Variants in MYO7B observed in about 807,000 individuals in gnomAD.
The protein encoded by MYO7B is myosin VIIB, also known as unconventional myosin-VIIb.
MYO7B carries 212 observed loss-of-function variants against 259.7 expected under a neutral mutation model. That is an observed-to-expected ratio of 0.82 (90% CI 0.73 to 0.91). The LOEUF (loss-of-function observed/expected upper bound fraction) is 0.91, where lower values mean the gene tolerates loss of function less well. Among genes scored for constraint, MYO7B ranks in the 40% least tolerant of loss-of-function variants. MYO7B has a pLI of 0.00. For missense variants in MYO7B, 2,732 were observed against 2,813.5 expected (o/e 0.97, Z 0.66); for synonymous variants, 1,197 against 1,166.4 (o/e 1.03, Z -0.54).
Position 127,590,929 on chromosome 2 carries a change from C to T in MYO7B, c.1992+700C>T, listed in dbSNP as rs1273562970. 6.6e-6 allele frequency among the ~76,000 whole-genome samples: 1 copy of T among 152,242 alleles called. No homozygotes were observed. The highest frequency in any genetic ancestry group is 1.5e-5 in the Non-Finnish European group (1 of 68,050). ...CGAGTTTGATCTGGGTGCAGTAGCT[C>T]ACGCTTGTAATCCCAGCACTTTGGG... is the stretch of plus-strand genomic sequence containing the variant. On this transcript the variant is annotated intron_variant, in intron 16 of 47. Coordinates refer to ENST00000409816, the MANE Select transcript of MYO7B (RefSeq NM_001393586.1). The surrounding 1 kb of genome is among the most constrained non-coding windows in gnomAD (Gnocchi z 4.6).
In MYO7B at chr2:127,615,266, C is replaced by T. The variant is rs1248585309; in HGVS notation, c.3398+2663C>T. ...AGAGGGAAAGGGTAGACGGGTCACC[C>T]GTGACAGACTGCCATGGTTACTACT... On this transcript the variant is annotated intron_variant, in intron 26 of 47. Coordinates refer to ENST00000409816, the MANE Select transcript of MYO7B (RefSeq NM_001393586.1). The surrounding 1 kb of genome is among the most constrained non-coding windows in gnomAD (Gnocchi z 4.4). 2.0e-5 allele frequency among the ~76,000 whole-genome samples: 3 copies of T among 152,252 alleles called. No homozygotes were observed. The highest frequency in any genetic ancestry group is 2.1e-4 in the South Asian group (1 of 4,814).
In MYO7B at chr2:127,631,885, A is replaced by C. The variant is rs1042659697; in HGVS notation, c.5249+132A>C. ...CCCCTGCCTGGGCTCCTGCCTCAGC[A>C]GTGGGAAGGGTTGGGCCCTTGGTCT... On this transcript the variant is annotated intron_variant, in intron 38 of 47. Transcript: ENST00000409816. The C allele has an allele frequency of 2.3e-5, 29 of 1,253,416 alleles. No homozygotes were observed. In the Admixed American group the frequency reaches 3.4e-4, roughly 15 times the overall value. 77.6% of individuals were successfully genotyped at this position (1,253,416 alleles called of 1,614,324 possible). A position where few individuals can be genotyped will look rare whatever the true frequency, so the allele number is the denominator to read the frequency against.
At chr2:127,570,221 G>A (rs1451259990) in intron 6 of MYO7B, among the ~76,000 whole-genome samples, 1 of 152,098 alleles carries the variant, frequency 6.6e-6, no homozygotes, top group Non-Finnish European at 1.5e-5. Context: ...TCAGTTGCTG[G>A]AACTGAACTG....
At chr2:127,625,791 T>C (rs13391628) in intron 31 of MYO7B, among the ~76,000 whole-genome samples, 24,262 of 152,198 alleles carry the variant, frequency 0.16, 1,995 homozygotes, top group Middle Eastern at 0.24. Context: ...TGTGCTGGTC[T>C]GCACTGTGGT....
chr2:127,592,672 G>T, intron 16 of MYO7B, 122 bp from the exon 17 acceptor site: 2 of 1,290,236 alleles, frequency 1.6e-6, no homozygotes, highest in Non-Finnish European at 2.1e-6. Flanking sequence ...GGGGTGGGCG[G>T]GGCGGGGGGC....
intron 26 of MYO7B, among the ~76,000 whole-genome samples, chr2:127,618,298 A>C (rs918268395): frequency 1.3e-5 from 2 of 152,186 alleles, no homozygotes; most frequent in African/African-American, 4.8e-5. Context: ...AACAAAAGAA[A>C]CTGTTTTAAA....
At position 127,593,688 on chromosome 2, in the gene MYO7B, T is replaced by C. The variant is rs539170583; in HGVS notation, c.2244+44T>C. On this transcript the variant is annotated intron_variant, in intron 18 of 47. Transcript: ENST00000409816. ...AGCCAGCTGTCGGCCTCCTGCAGCA[T>C]GTGGGCTTGTCAGCTCTTGCACCAG... 6 of 1,570,022 alleles carry C rather than the reference T, an allele frequency of 3.8e-6. No homozygotes were observed. The African/African-American group carries it at 5.4e-5, about 14-fold the overall frequency.
rs376997121 is a variant in MYO7B at position 127,563,965 on chromosome 2, C to T, written c.19-188C>T. On this transcript the variant is annotated intron_variant, in intron 2 of 47. Transcript: ENST00000409816. ...AAGACATGGAGAGAAGCTGTACAGG[C>T]GCTTGGTACCTGCCCAGTGAGCAGG... 2.2e-4 allele frequency among the ~76,000 whole-genome samples: 34 copies of T among 152,212 alleles called. 1 individual carries two copies. The East Asian group carries it at 5.0e-3, about 22-fold the overall frequency.
In MYO7B at chr2:127,595,043, A is replaced by AT. The variant is rs1679708084; in HGVS notation, c.2244+1399_2244+1400insT. Among the ~76,000 whole-genome samples, 3 of 152,352 alleles carry AT rather than the reference A, an allele frequency of 2.0e-5. No individual in the cohort carries two copies. In the East Asian group the frequency reaches 5.8e-4, roughly 29 times the overall value. ...CAATTGTTTGGAATAGTTTCAAAAA[A>AT]AAGGGTATCAACTCCTCTTTGTACT... On this transcript the variant is annotated intron_variant, in intron 18 of 47. Coordinates refer to ENST00000409816, the MANE Select transcript of MYO7B (RefSeq NM_001393586.1).
intron 18 of MYO7B, among the ~76,000 whole-genome samples, chr2:127,595,288 T>G (rs4662745): frequency 0.58 from 88,799 of 152,006 alleles, 27,485 homozygotes; most frequent in African/African-American, 0.77. Context: ...GATGGTTGTC[T>G]GTATTTCTGT....
intron 26 of MYO7B, among the ~76,000 whole-genome samples, chr2:127,618,487 C>T (rs1680678409): frequency 6.6e-6 from 1 of 152,184 alleles, no homozygotes; most frequent in Admixed American, 6.5e-5. Flanking sequence ...CAGGTGTGCC[C>T]TGTAGATAAT....
rs374925480 is a variant in MYO7B at position 127,617,357 on chromosome 2, AAAGAG to A, written c.3399-2975_3399-2971del. Among the ~76,000 whole-genome samples, 303 of 152,262 alleles carry A rather than the reference AAAGAG, an allele frequency of 2.0e-3. 3 individuals carry two copies. Among genetic ancestry groups the A allele is most frequent in the African/African-American group, 6.8e-3 (281 of 41,542 alleles). ...TGGTATGTACCAAACTCCAAACAAAAAAGAGAAGAGAACCAAATTCTTCCCCATGT... is the reference window on the plus strand; with the variant it reads ...TGGTATGTACCAAACTCCAAACAAAAAAGAGAACCAAATTCTTCCCCATGT... On this transcript the variant is annotated intron_variant, in intron 26 of 47. Coordinates refer to ENST00000409816, the MANE Select transcript of MYO7B (RefSeq NM_001393586.1).
Position 127,609,670 on chromosome 2 carries a change from C to G in MYO7B, c.2979C>G (p.Pro993=), listed in dbSNP as rs771548128. The change falls in exon 23 of 48, where the codon CCC becomes CCG. Residue 993 remains proline, a synonymous_variant. Coordinates refer to ENST00000409816, the MANE Select transcript of MYO7B (RefSeq NM_001393586.1). The surrounding 1 kb of genome is among the most constrained non-coding windows in gnomAD (Gnocchi z 6.9). ...KSASHTHIRR[P]LRYPLLYHED... is the part of the protein sequence containing the mutation. ...CCAGCCACACACACATCCGGCGGCCCCTCCGATACCCGTTGCTTTACCACG... is the reference window on the plus strand; with the variant it reads ...CCAGCCACACACACATCCGGCGGCCGCTCCGATACCCGTTGCTTTACCACG... The G allele has an allele frequency of 1.2e-5, 19 of 1,613,848 alleles. No individual in the cohort carries two copies. In the Admixed American group the frequency reaches 2.8e-4, roughly 24 times the overall value.
Position 127,635,885 on chromosome 2 carries a change from TGTCCTC to T in MYO7B, c.5986_5991del (p.Ser1996_Ser1997del). ...GTGCCTGAGAACCTCACACGCCTGA[TGTCCTC>T]GGAGGAGTGGAAAAAGGTCCCTGGT... is the stretch of plus-strand genomic sequence containing the variant. On this transcript the variant is annotated inframe_deletion, in exon 44 of 48. Transcript: ENST00000409816. 1 of 1,577,000 alleles carries T rather than the reference TGTCCTC, an allele frequency of 6.3e-7. No homozygotes were observed. Among genetic ancestry groups the T allele is most frequent in the Non-Finnish European group, 8.6e-7 (1 of 1,161,834 alleles).
intron 12 of MYO7B, among the ~76,000 whole-genome samples, chr2:127,582,744 A>ATC (rs1278612619): frequency 2.0e-5 from 1 of 49,220 alleles, no homozygotes; most frequent in African/African-American, 1.0e-4. Flanking sequence ...GTTGAAACAG[A>ATC]AATCAATAAC....
At chr2:127,558,912 G>A (rs1006384799) in intron 1 of MYO7B, among the ~76,000 whole-genome samples, 1 of 152,164 alleles carries the variant, frequency 6.6e-6, no homozygotes, top group South Asian at 2.1e-4. Context: ...AGGGGGTGAG[G>A]AATGAAAGAC....
In MYO7B at chr2:127,597,425, G is replaced by A. The variant is rs921384420; in HGVS notation, c.2339+869G>A. Among the ~76,000 whole-genome samples the A allele has an allele frequency of 1.4e-4, 22 of 151,934 alleles. No individual in the cohort carries two copies. The highest frequency in any genetic ancestry group is 3.4e-4 in the African/African-American group (14 of 41,438). ...TCCTTCTGCGGCCTTGTTTAGCCAC[G>A]CCCCCTCCCTCACACCTGCCCCCAG... On this transcript the variant is annotated intron_variant, in intron 19 of 47. Coordinates refer to ENST00000409816, the MANE Select transcript of MYO7B (RefSeq NM_001393586.1). This position sits in a 1 kb window ranked among gnomAD's most constrained non-coding sequence, Gnocchi z 4.8.
At chr2:127,557,457 T>A (rs575885863) in intron 1 of MYO7B, among the ~76,000 whole-genome samples, 45 of 152,138 alleles carry the variant, frequency 3.0e-4, no homozygotes, top group Non-Finnish European at 4.7e-4. Flanking sequence ...TGTGATTTTT[T>A]GGGGGTTTTA....
intron 35 of MYO7B, among the ~76,000 whole-genome samples, chr2:127,630,085 A>G (rs977954645): frequency 2.0e-5 from 3 of 152,184 alleles, no homozygotes; most frequent in African/African-American, 4.8e-5. Context: ...GACAAACCCA[A>G]TCTTTCTCTG....
Sources: gnomAD v4.1 joint callset for allele counts (sites outside exome capture counted in the v4.1 genomes callset) on GRCh38, gnomAD v4.1.1 for gene constraint, Gnocchi (gnomAD v3.1) non-coding constraint, MANE v1.5 for transcripts, NCBI Gene and HGNC (gene_info 2026-07-23, HGNC 2026-07-21) for gene names.